Variants in TOX3 observed in about 807,000 individuals in gnomAD.
TOX3 encodes TOX high mobility group box family member 3, also known as CAG trinucleotide repeat-containing gene F9 protein.
TOX3 carries 22 observed loss-of-function variants against 64.3 expected under a neutral mutation model. The observed-to-expected ratio is 0.34, with a 90% CI of 0.24 to 0.49. The LOEUF (loss-of-function observed/expected upper bound fraction) is 0.49, where lower values mean the gene tolerates loss of function less well. TOX3 is among the 20% of genes least tolerant of loss of function. The pLI, the probability that TOX3 is intolerant of heterozygous loss-of-function variation, is 0.99. For missense variants in TOX3, 661 were observed against 714.4 expected (o/e 0.93, Z 0.85); for synonymous variants, 291 against 273.6 (o/e 1.06, Z -0.63).
At chr16:52,541,223 A>G (rs571014829) in intron 1 of TOX3, among the ~76,000 whole-genome samples, 6 of 152,242 alleles carry the variant, frequency 3.9e-5, no homozygotes, top group Non-Finnish European at 7.3e-5. Context: ...AAATGATCAC[A>G]AATTATTTTT....
rs201248975 is a variant in TOX3 at position 52,536,908 on chromosome 16, T to TTA, written c.87+9727_87+9728dup. On this transcript the variant is annotated intron_variant, in intron 1 of 6. Transcript: ENST00000219746. Reference sequence around the variant, plus strand: ...ACATGTGTGCACATATTTACATATTTTATATATATATGAATCTTCAGCCAT... The same window carrying TTA: ...ACATGTGTGCACATATTTACATATTTTATATATATATATGAATCTTCAGCCAT... Among the ~76,000 whole-genome samples, 234 of 151,262 alleles carry TTA rather than the reference T, an allele frequency of 1.5e-3. 5 individuals are homozygous for TTA. The highest frequency in any genetic ancestry group is 0.015 in the East Asian group (75 of 5,126).
chr16:52,515,756 T>C (rs1962436882), intron 1 of TOX3, among the ~76,000 whole-genome samples: 1 of 152,230 alleles, frequency 6.6e-6, no homozygotes, highest in Non-Finnish European at 1.5e-5. Context: ...ATTCCTTCTT[T>C]TCGTTTCTTT....
chr16:52,546,508 C>G, intron 1 of TOX3, 129 bp downstream of exon 1: 1 of 823,332 alleles, frequency 1.2e-6, no homozygotes, highest in South Asian at 1.9e-5. Context: ...GACGAAGGCT[C>G]AAAGGTAGAA....
chr16:52,443,347 G>C (rs769794750), intron 6 of TOX3, among the ~76,000 whole-genome samples: 5 of 152,146 alleles, frequency 3.3e-5, no homozygotes, highest in Non-Finnish European at 5.9e-5. Flanking sequence ...TGTCCTAATA[G>C]CTGTCAGCAA....
chr16:52,519,344 A>C (rs1962537160), intron 1 of TOX3: 2 of 1,474,420 alleles, frequency 1.4e-6, no homozygotes, highest in Admixed American at 4.4e-5. Context: ...AACTGATAAA[A>C]GACACTATCT....
chr16:52,494,460 T>C (rs1003762673), intron 1 of TOX3, among the ~76,000 whole-genome samples: 1 of 152,208 alleles, frequency 6.6e-6, no homozygotes, highest in African/African-American at 2.4e-5. Flanking sequence ...CTCTATTACA[T>C]TTACCTCATT....
At chr16:52,537,712 G>T (rs1962985250) in intron 1 of TOX3, among the ~76,000 whole-genome samples, 1 of 151,998 alleles carries the variant, frequency 6.6e-6, no homozygotes, top group Non-Finnish European at 1.5e-5. Flanking sequence ...GTGGCTACGA[G>T]CCTGGGCATG....
chr16:52,505,611 A>G (rs888970523), intron 1 of TOX3, among the ~76,000 whole-genome samples: 8 of 152,328 alleles, frequency 5.3e-5, no homozygotes, highest in South Asian at 2.1e-4. Flanking sequence ...GATAAGCCCC[A>G]AGTTCCAAAA....
chr16:52,535,328 G>T (rs893603253), intron 1 of TOX3, among the ~76,000 whole-genome samples: 3 of 152,150 alleles, frequency 2.0e-5, no homozygotes, highest in Non-Finnish European at 4.4e-5. Flanking sequence ...CCCAAGTGTG[G>T]CCATGTGATG....
At position 52,437,371 on chromosome 16, in the gene TOX3, T is replaced by C. The variant is rs774835537; in HGVS notation, c.*1854A>G. The C allele has an allele frequency of 6.6e-6, 1 of 152,244 alleles. No homozygotes were observed. The highest frequency in any genetic ancestry group is 1.5e-5 in the Non-Finnish European group (1 of 68,046). The allele number at this position is 152,244 out of a possible 1,614,324, so 9.4% of individuals were successfully genotyped here. Reference sequence around the variant, plus strand: ...ATCCATATTCCATTATTTTTGAATGTCTTGCACATAGTAGCTGTGGAGCGC... The same window carrying C: ...ATCCATATTCCATTATTTTTGAATGCCTTGCACATAGTAGCTGTGGAGCGC... On this transcript the variant is annotated 3_prime_UTR_variant, in exon 7 of 7. Transcript: ENST00000219746.
At chr16:52,524,989 T>C (rs946023209) in intron 1 of TOX3, among the ~76,000 whole-genome samples, 2 of 152,068 alleles carry the variant, frequency 1.3e-5, no homozygotes, top group Non-Finnish European at 2.9e-5. Flanking sequence ...AAAATCCTAC[T>C]TTGTTCTATT....
intron 1 of TOX3, among the ~76,000 whole-genome samples, chr16:52,508,362 A>T (rs979757455): frequency 7.9e-5 from 12 of 152,320 alleles, no homozygotes; most frequent in South Asian, 4.1e-4. Flanking sequence ...GCGTGCATAC[A>T]CAAGGGTGTT....
At chr16:52,473,617 A>G (rs1961114959) in intron 1 of TOX3, among the ~76,000 whole-genome samples, 1 of 152,206 alleles carries the variant, frequency 6.6e-6, no homozygotes, top group Admixed American at 6.5e-5. Flanking sequence ...TCAAGGTTCA[A>G]CCATTTTCAG....
At chr16:52,504,330 G>A (rs905803441) in intron 1 of TOX3, among the ~76,000 whole-genome samples, 1 of 152,192 alleles carries the variant, frequency 6.6e-6, no homozygotes, top group East Asian at 1.9e-4. Flanking sequence ...AGCCAGGCGT[G>A]GTGGTGGGCA....
intron 1 of TOX3, among the ~76,000 whole-genome samples, chr16:52,525,105 G>A (rs902926217): frequency 6.6e-6 from 1 of 152,114 alleles, no homozygotes; most frequent in Non-Finnish European, 1.5e-5. Context: ...CCCGTGCTTT[G>A]TGTGTGCTGA....
At chr16:52,491,859 G>A (rs925375308) in intron 1 of TOX3, among the ~76,000 whole-genome samples, 3 of 152,192 alleles carry the variant, frequency 2.0e-5, no homozygotes, top group South Asian at 2.1e-4. Context: ...AAGATGACAC[G>A]CCAGTATGTT....
chr16:52,510,747 A>C (rs186207100), intron 1 of TOX3, among the ~76,000 whole-genome samples: 41 of 126,262 alleles, frequency 3.2e-4, no homozygotes, highest in African/African-American at 1.2e-3. Context: ...CAGACAGAGA[A>C]GGACCCTGTC....
chr16:52,504,399 G>A lies in TOX3; in HGVS notation c.88-35825C>T, dbSNP rs1020487138. 4.7e-5 allele frequency among the ~76,000 whole-genome samples: 7 copies of A among 149,586 alleles called. No individual in the cohort carries two copies. In the East Asian group the frequency reaches 8.1e-4, roughly 17 times the overall value. On this transcript the variant is annotated intron_variant, in intron 1 of 6. Coordinates refer to ENST00000219746, the MANE Select transcript of TOX3 (RefSeq NM_001080430.4). The stretch of plus-strand genomic sequence containing the variant: ...GGAGAATGGCGTGAACCCAGGAGGC[G>A]GAGCTTGCAGTGAGCCGAGATCGTG...
Position 52,437,124 on chromosome 16 carries a change from AC to A in TOX3, c.*2100del, listed in dbSNP as rs1959773993. 1 of 152,348 alleles carries A rather than the reference AC, an allele frequency of 6.6e-6. No individual in the cohort carries two copies. Among genetic ancestry groups the A allele is most frequent in the East Asian group, 1.9e-4 (1 of 5,182 alleles). The allele number at this position is 152,348 out of a possible 1,614,324, so 9.4% of individuals were successfully genotyped here. A position where few individuals can be genotyped will look rare whatever the true frequency, so the allele number is the denominator to read the frequency against. On this transcript the variant is annotated 3_prime_UTR_variant, in exon 7 of 7. Transcript: ENST00000219746. ...TAGGCATCATTCTAAGGCTGTTTGA[AC>A]ACTGATACCTGTCAACTAATACATC...
Sources: gnomAD v4.1 joint callset for allele counts (sites outside exome capture counted in the v4.1 genomes callset) on GRCh38, gnomAD v4.1.1 for gene constraint, MANE v1.5 for transcripts, NCBI Gene and HGNC (gene_info 2026-07-23, HGNC 2026-07-21) for gene names.